GNB1: variants seen among roughly 807,000 people sequenced by gnomAD.
The protein encoded by GNB1 is G protein subunit beta 1, also known as guanine nucleotide-binding protein G(I)/G(S)/G(T) subunit beta-1.
A neutral mutation model predicts 42.9 loss-of-function variants in GNB1; 2 were observed. The ratio of observed to expected loss-of-function variants is 0.05; its 90% CI spans 0.02 to 0.15. The LOEUF is 0.15. Among genes scored for constraint, GNB1 ranks in the 10% least tolerant of loss-of-function variants. The probability of loss-of-function intolerance (pLI) is 1.00; values close to 1 mark genes in which losing one functional copy is unlikely to be tolerated. For synonymous variants in GNB1, 183 were observed against 174.7 expected (o/e 1.05, Z -0.38); for missense variants, 193 against 462.2 (o/e 0.42, Z 5.34).
chr1:1,882,012 T>C (rs1361586013), intron 1 of GNB1, among the ~76,000 whole-genome samples: 2 of 152,238 alleles, frequency 1.3e-5, no homozygotes, highest in Admixed American at 1.3e-4. Context: ...CACTGAACTC[T>C]GGACAGGGTG....
At chr1:1,877,062 A>G (rs1649581717) in intron 1 of GNB1, among the ~76,000 whole-genome samples, 1 of 152,082 alleles carries the variant, frequency 6.6e-6, no homozygotes, top group Non-Finnish European at 1.5e-5. Context: ...GCACTTTGGG[A>G]GGCCAAGGTG....
At chr1:1,812,873 C>G (rs1484114287) in intron 5 of GNB1, among the ~76,000 whole-genome samples, 1 of 147,310 alleles carries the variant, frequency 6.8e-6, no homozygotes, top group African/African-American at 2.5e-5. Context: ...ACACACCCAT[C>G]TCTTCGGTCC....
intron 1 of GNB1, among the ~76,000 whole-genome samples, chr1:1,846,439 C>T (rs1317098662): frequency 1.3e-5 from 2 of 152,100 alleles, no homozygotes; most frequent in South Asian, 2.1e-4. Flanking sequence ...TGGTGGCTGG[C>T]ACCTGTAATC....
intron 1 of GNB1, among the ~76,000 whole-genome samples, chr1:1,866,670 T>C (rs1444329117): frequency 6.7e-6 from 1 of 149,644 alleles, no homozygotes; most frequent in Non-Finnish European, 1.5e-5. Flanking sequence ...AAAATCTCAA[T>C]GTGGCCGGGC....
At chr1:1,820,850 A>C (rs560350800) in intron 3 of GNB1, among the ~76,000 whole-genome samples, 1 of 152,348 alleles carries the variant, frequency 6.6e-6, no homozygotes, top group South Asian at 2.1e-4. Flanking sequence ...TTTAGCCAAT[A>C]ACCAGCTTAT....
chr1:1,888,766 G>A (rs1570769831), intron 1 of GNB1, among the ~76,000 whole-genome samples: 1 of 152,208 alleles, frequency 6.6e-6, no homozygotes, highest in Middle Eastern at 3.4e-3. Flanking sequence ...TGAACCCGGG[G>A]GCGCGGAGGT....
chr1:1,830,813 C>T (rs904169925), intron 2 of GNB1, among the ~76,000 whole-genome samples: 3 of 151,792 alleles, frequency 2.0e-5, no homozygotes, highest in Admixed American at 1.3e-4. Flanking sequence ...TCCCAAAGCG[C>T]TAGACTCTAA....
intron 1 of GNB1, among the ~76,000 whole-genome samples, chr1:1,871,242 T>A (rs549943277): frequency 1.0e-3 from 152 of 152,034 alleles, no homozygotes; most frequent in Non-Finnish European, 1.4e-3. Context: ...GGTGGATCAC[T>A]TAAGGCCAGG....
At chr1:1,820,531 G>T (rs1646918451) in intron 3 of GNB1, among the ~76,000 whole-genome samples, 1 of 151,972 alleles carries the variant, frequency 6.6e-6, no homozygotes, top group Admixed American at 6.6e-5. Context: ...TGGAGTAAGG[G>T]GGATGAAGAA....
At chr1:1,817,315 ACAC>A (rs1301010909) in intron 4 of GNB1, among the ~76,000 whole-genome samples, 1 of 152,174 alleles carries the variant, frequency 6.6e-6, no homozygotes, top group African/African-American at 2.4e-5. Context: ...GGGCACAGAG[ACAC>A]CACAATTTGT....
rs1254560253 is a variant in GNB1 at position 1,890,923 on chromosome 1, G to A, written c.-199C>T. ...CGCTGCGCGCTCCGCGGGCGCTGCG[G>A]GCAGGTGCGCGCCGGCGAGGCTCGG... On this transcript the variant is annotated 5_prime_UTR_variant, in exon 1 of 12. Transcript: ENST00000378609. 6.8e-6 allele frequency: 1 copy of A among 147,184 alleles called. No individual in the cohort carries two copies. The highest frequency in any genetic ancestry group is 2.0e-4 in the East Asian group (1 of 5,072). The allele number at this position is 147,184 out of a possible 1,614,324, so 9.1% of individuals were successfully genotyped here. A position where few individuals can be genotyped will look rare whatever the true frequency, so the allele number is the denominator to read the frequency against.
chr1:1,875,883 C>T lies in GNB1; in HGVS notation c.-96+14937G>A, dbSNP rs114210081. On this transcript the variant is annotated intron_variant, in intron 1 of 11. Transcript: ENST00000378609. ...TCTACCTGGAACCTGGGAATGTGAC[C>T]TTATTTGGAGCGTCTTTCCAGGTAT... is the stretch of plus-strand genomic sequence containing the variant. Among the ~76,000 whole-genome samples the T allele has an allele frequency of 8.2e-3, 1,250 of 152,138 alleles. 21 individuals carry two copies. Among genetic ancestry groups the T allele is most frequent in the African/African-American group, 0.029 (1,214 of 41,488 alleles).
intron 1 of GNB1, among the ~76,000 whole-genome samples, chr1:1,881,249 A>G (rs6603803): frequency 0.39 from 59,408 of 151,746 alleles, 14,354 homozygotes; most frequent in Admixed American, 0.54. Flanking sequence ...GGTCTTATCA[A>G]TCGTCAACCT....
chr1:1,842,740 G>T (rs1647296039), intron 1 of GNB1, among the ~76,000 whole-genome samples: 1 of 152,144 alleles, frequency 6.6e-6, no homozygotes, highest in Non-Finnish European at 1.5e-5. Context: ...CATTGTAAAT[G>T]TACTAAACGG....
At chr1:1,872,253 T>C (rs148511370) in intron 1 of GNB1, among the ~76,000 whole-genome samples, 93 of 152,318 alleles carry the variant, frequency 6.1e-4, no homozygotes, top group African/African-American at 2.2e-3. Context: ...GTTAGGACTA[T>C]AAGCATGAAC....
chr1:1,884,129 C>T (rs1167663081), intron 1 of GNB1, among the ~76,000 whole-genome samples: 2 of 151,052 alleles, frequency 1.3e-5, no homozygotes, highest in African/African-American at 2.4e-5. Context: ...CCATGCCCGA[C>T]TAATTTTTTT....
chr1:1,804,306 A>G (rs775241826), intron 7 of GNB1, 113 bp downstream of exon 7: 2 of 757,878 alleles, frequency 2.6e-6, no homozygotes, highest in East Asian at 2.8e-5. Flanking sequence ...CTCAAAAAAA[A>G]TAATTAATTA....
At chr1:1,815,946 T>TCGCC (rs1646848971) in intron 4 of GNB1, 84 bp from the exon 5 acceptor site, 1 of 827,112 alleles carries the variant, frequency 1.2e-6, no homozygotes, top group African/African-American at 1.7e-5. Context: ...GGCTGTTGGC[T>TCGCC]CGCCCACTGT....
At chr1:1,842,712 G>C (rs1369533025) in intron 1 of GNB1, among the ~76,000 whole-genome samples, 1 of 152,184 alleles carries the variant, frequency 6.6e-6, no homozygotes, top group Non-Finnish European at 1.5e-5. Context: ...GAATTAGCTA[G>C]AGACGGTGGT....
Sources: gnomAD v4.1 joint callset for allele counts (sites outside exome capture counted in the v4.1 genomes callset) on GRCh38, gnomAD v4.1.1 for gene constraint, MANE v1.5 for transcripts, NCBI Gene and HGNC (gene_info 2026-07-23, HGNC 2026-07-21) for gene names.